The following RGP1 variants were observed in gnomAD, a reference collection of about 807,000 sequenced individuals.
RGP1 encodes the protein RGP1 partner of RAB6A GEF complex.
Under a neutral mutation model 44.5 loss-of-function variants are expected in RGP1, and 28 were observed. That is an observed-to-expected ratio of 0.63 (90% CI 0.47 to 0.86). The LOEUF is 0.86. RGP1 is among the 40% of genes least tolerant of loss of function. RGP1 has a pLI of 0.00. For synonymous variants in RGP1, 212 were observed against 196.7 expected (o/e 1.08, Z -0.65); for missense variants, 417 against 490.7 (o/e 0.85, Z 1.42).
At position 35,750,857 on chromosome 9, in the gene RGP1, C is replaced by T. The variant is rs1827245793; in HGVS notation, c.355C>T (p.Leu119=). 1 of 1,614,002 alleles carries T rather than the reference C, an allele frequency of 6.2e-7. No individual in the cohort carries two copies. Among genetic ancestry groups the T allele is most frequent in the Non-Finnish European group, 8.5e-7 (1 of 1,179,886 alleles). ...ESKSYSYSEV[L]PIEGPPSFRG... The stretch of plus-strand genomic sequence containing the variant: ...CCAACCAGACTCCTACAGTGAAGTG[C>T]TGCCCATAGAGGGACCACCCTCCTT... The change falls in exon 5 of 9, where the codon CTG becomes TTG. Residue 119 remains leucine, a synonymous_variant. Coordinates refer to ENST00000378078, the MANE Select transcript of RGP1 (RefSeq NM_001080496.3).
the RGP1 span, among the ~76,000 whole-genome samples, chr9:35,785,504 CAT>C: frequency 6.9e-6 from 1 of 145,144 alleles, no homozygotes; most frequent in South Asian, 2.4e-4. Flanking sequence ...GTGTGAAAAA[CAT>C]AGCCTCCAAG....
downstream of RGP1, among the ~76,000 whole-genome samples, chr9:35,760,064 A>G (rs1304801735): frequency 6.6e-6 from 1 of 151,440 alleles, no homozygotes; most frequent in Non-Finnish European, 1.5e-5. Flanking sequence ...TTTTTGGTTC[A>G]CCCTTGTTGC....
chr9:35,753,257 G>A lies in RGP1; in HGVS notation c.*383G>A, dbSNP rs555637663. ...CTCCTGACGTACCTCACACCCAGCC[G>A]GGAAGTCGATGGGATGCTGGGACCT... On this transcript the variant is annotated 3_prime_UTR_variant, in exon 9 of 9. Coordinates refer to ENST00000378078, the MANE Select transcript of RGP1 (RefSeq NM_001080496.3). This position sits in a 1 kb window ranked among gnomAD's most constrained non-coding sequence, Gnocchi z 4.2. 29 of 1,613,944 alleles carry A rather than the reference G, an allele frequency of 1.8e-5. No individual in the cohort carries two copies. In the Middle Eastern group the frequency reaches 6.6e-4, roughly 37 times the overall value.
At chr9:35,782,424 C>T in the RGP1 span, among the ~76,000 whole-genome samples, 2 of 152,058 alleles carry the variant, frequency 1.3e-5, no homozygotes, top group South Asian at 4.2e-4. Flanking sequence ...TGAAATCTAA[C>T]TTTATTATTA....
At chr9:35,765,533 T>C in the RGP1 span, among the ~76,000 whole-genome samples, 22 of 151,854 alleles carry the variant, frequency 1.4e-4, no homozygotes, top group African/African-American at 4.8e-4. Context: ...GGCCCAGGCC[T>C]GTAGTCCCAG....
chr9:35,788,208 T>C, the RGP1 span, among the ~76,000 whole-genome samples: 1 of 152,328 alleles, frequency 6.6e-6, no homozygotes, highest in African/African-American at 2.4e-5. Flanking sequence ...CAGGGCAGCT[T>C]GGAAACCATA....
At chr9:35,788,614 C>G in the RGP1 span, among the ~76,000 whole-genome samples, 2 of 151,718 alleles carry the variant, frequency 1.3e-5, no homozygotes, top group Admixed American at 1.3e-4. Flanking sequence ...TTGATTGACC[C>G]TATCCAGAAG....
At position 35,749,360 on chromosome 9, in the gene RGP1, C is replaced by A. The variant is rs760085557; in HGVS notation, c.-68C>A. ...CGTACCTAGCCAGGTCCCTGAGGGG[C>A]GGGCAGATGAGGCCTAGGGGTGCCG... On this transcript the variant is annotated 5_prime_UTR_variant, in exon 1 of 9. Coordinates refer to ENST00000378078, the MANE Select transcript of RGP1 (RefSeq NM_001080496.3). This position sits in a 1 kb window ranked among gnomAD's most constrained non-coding sequence, Gnocchi z 4.4. 1.9e-6 allele frequency: 1 copy of A among 540,230 alleles called. No individual in the cohort carries two copies. The highest frequency in any genetic ancestry group is 1.4e-5 in the South Asian group (1 of 72,186). 33.5% of individuals were successfully genotyped at this position (540,230 alleles called of 1,614,324 possible).
chr9:35,750,420 G>C (rs751637983), intron 3 of RGP1, 41 bp downstream of exon 3: 2 of 1,606,818 alleles, frequency 1.2e-6, no homozygotes, highest in African/African-American at 1.3e-5. Flanking sequence ...GGGGTGCGGA[G>C]GGTGTGTGTG....
At position 35,751,952 on chromosome 9, in the gene RGP1, C is replaced by T; in HGVS notation, c.763-4C>T. 6.4e-7 allele frequency: 1 copy of T among 1,565,778 alleles called. No homozygotes were observed. Among genetic ancestry groups the T allele is most frequent in the South Asian group, 1.2e-5 (1 of 82,980 alleles). Reference sequence around the variant, plus strand: ...GTTAGCACACACCTGTCTCTTGCTCCCAGTTTTCAGTCAGCTTACAGACCG... The same window carrying T: ...GTTAGCACACACCTGTCTCTTGCTCTCAGTTTTCAGTCAGCTTACAGACCG... On this transcript the variant is annotated splice_region_variant and splice_polypyrimidine_tract_variant and intron_variant, in intron 7 of 8. Coordinates refer to ENST00000378078, the MANE Select transcript of RGP1 (RefSeq NM_001080496.3).
chr9:35,758,859 A>C (rs1827393953), downstream of RGP1, among the ~76,000 whole-genome samples: 1 of 147,892 alleles, frequency 6.8e-6, no homozygotes, highest in South Asian at 2.2e-4. Flanking sequence ...CACCTTTAAC[A>C]CTCTTATGTT....
the RGP1 span, among the ~76,000 whole-genome samples, chr9:35,786,044 A>C: frequency 6.6e-6 from 1 of 152,154 alleles, no homozygotes; most frequent in Non-Finnish European, 1.5e-5. Flanking sequence ...ATTGCAGTAC[A>C]GTTTTGTACA....
the RGP1 span, among the ~76,000 whole-genome samples, chr9:35,773,858 A>C: frequency 6.6e-6 from 1 of 151,868 alleles, no homozygotes; most frequent in Non-Finnish European, 1.5e-5. Context: ...AATAAAAGAG[A>C]TGGGGTCTTG....
chr9:35,788,072 G>A, the RGP1 span, among the ~76,000 whole-genome samples: 1 of 152,208 alleles, frequency 6.6e-6, no homozygotes, highest in African/African-American at 2.4e-5. Flanking sequence ...TCAGTTTGGG[G>A]CATCAGAGCC....
downstream of RGP1, among the ~76,000 whole-genome samples, chr9:35,761,223 CTT>C (rs1827413534): frequency 6.6e-6 from 1 of 152,194 alleles, no homozygotes; most frequent in Non-Finnish European, 1.5e-5. Flanking sequence ...GGATGCTTCT[CTT>C]TATTTATTAT....
the RGP1 span, among the ~76,000 whole-genome samples, chr9:35,770,800 C>G: frequency 6.6e-6 from 1 of 152,166 alleles, no homozygotes; most frequent in African/African-American, 2.4e-5. Context: ...ATCAGAGGAG[C>G]ACACCTGGAG....
At position 35,752,718 on chromosome 9, in the gene RGP1, C is replaced by T. The variant is rs185547101; in HGVS notation, c.1020C>T (p.Pro340=). The change falls in exon 9 of 9, where the codon CCC becomes CCT. Residue 340 remains proline (P), a synonymous_variant. Transcript: ENST00000378078. ...TSREPGLVLL[P]PVEQPEPTTW... is the part of the protein sequence containing the mutation. ...GAGAACCAGGATTGGTACTCCTACC[C>T]CCTGTGGAACAGCCCGAACCTACCA... The T allele has an allele frequency of 6.2e-7, 1 of 1,613,690 alleles. No homozygotes were observed.
chr9:35,752,656 T>C lies in RGP1; in HGVS notation c.958T>C (p.Leu320=). 6.2e-7 allele frequency: 1 copy of C among 1,609,192 alleles called. No homozygotes were observed. The highest frequency in any genetic ancestry group is 1.1e-5 in the South Asian group (1 of 90,248). Residue 320 remains leucine, a synonymous_variant, in exon 9 of 9, where the codon TTG becomes CTG. Coordinates refer to ENST00000378078, the MANE Select transcript of RGP1 (RefSeq NM_001080496.3). ...TPGFCTAIVS[L]KWRLHFEFVT... ...TTAATCTTTTTCTTCCATAGTGTCC[T>C]TGAAGTGGAGATTGCATTTTGAATT... is the stretch of plus-strand genomic sequence containing the variant.
At chr9:35,766,942 G>C in the RGP1 span, among the ~76,000 whole-genome samples, 19 of 152,300 alleles carry the variant, frequency 1.2e-4, no homozygotes, top group African/African-American at 4.3e-4. Context: ...GGGTGAAATT[G>C]TGTTTTTATT....
Sources: allele counts gnomAD v4.1 joint callset (sites outside exome capture counted in the v4.1 genomes callset), GRCh38; gene constraint gnomAD v4.1.1; non-coding constraint Gnocchi (gnomAD v3.1); transcripts MANE v1.5; gene names NCBI Gene and HGNC (gene_info 2026-07-23, HGNC 2026-07-21).